CNTNAP5: variants seen among roughly 807,000 people sequenced by gnomAD.
CNTNAP5 encodes contactin-associated protein-like 5.
In CNTNAP5, 72 loss-of-function variants were observed where a neutral mutation model predicts 150.2. That is an observed-to-expected ratio of 0.48 (90% CI 0.40 to 0.58). The LOEUF (loss-of-function observed/expected upper bound fraction) is 0.58, where lower values mean the gene tolerates loss of function less well. CNTNAP5 is among the 20% of genes least tolerant of loss of function. CNTNAP5 has a pLI of 0.00. For synonymous variants in CNTNAP5, 672 were observed against 619.8 expected (o/e 1.08, Z -1.25); for missense variants, 1,636 against 1,626.2 (o/e 1.01, Z -0.10).
At chr2:124,309,272 T>G (rs1427970641) in intron 3 of CNTNAP5, among the ~76,000 whole-genome samples, 1 of 152,102 alleles carries the variant, frequency 6.6e-6, no homozygotes, top group Non-Finnish European at 1.5e-5. Context: ...AAAGGAAAAC[T>G]GGATGGGAGG....
At chr2:124,091,199 A>G (rs553604369) in intron 1 of CNTNAP5, among the ~76,000 whole-genome samples, 1 of 152,204 alleles carries the variant, frequency 6.6e-6, no homozygotes, top group African/African-American at 2.4e-5. Context: ...GTGAGCAGGG[A>G]GTGTACATCG....
chr2:124,085,421 CTCTT>C (rs1036448369), intron 1 of CNTNAP5, among the ~76,000 whole-genome samples: 2 of 152,028 alleles, frequency 1.3e-5, no homozygotes, highest in Non-Finnish European at 2.9e-5. Context: ...TGGTTTTTCT[CTCTT>C]TCCTTTGTCA....
At chr2:124,857,419 A>T (rs1028257998) in intron 19 of CNTNAP5, among the ~76,000 whole-genome samples, 2 of 152,128 alleles carry the variant, frequency 1.3e-5, no homozygotes, top group African/African-American at 4.8e-5. Flanking sequence ...ACAGCCTCAG[A>T]TGCAGGTGAG....
intron 11 of CNTNAP5, among the ~76,000 whole-genome samples, chr2:124,577,756 T>C (rs1400783424): frequency 6.6e-6 from 1 of 152,096 alleles, no homozygotes; most frequent in Non-Finnish European, 1.5e-5. Context: ...TGCTGGATAA[T>C]GCTGGACTTG....
intron 19 of CNTNAP5, among the ~76,000 whole-genome samples, chr2:124,839,051 G>A (rs114916276): frequency 2.0e-5 from 3 of 152,074 alleles, no homozygotes; most frequent in Non-Finnish European, 2.9e-5. Context: ...AGGGTACTAC[G>A]GAAGCTCATA....
chr2:124,063,765 AT>A (rs1682076403), intron 1 of CNTNAP5, among the ~76,000 whole-genome samples: 1 of 152,254 alleles, frequency 6.6e-6, no homozygotes, highest in Middle Eastern at 3.4e-3. Context: ...ATGGAGTAAG[AT>A]TCACAAGACA....
At chr2:124,657,728 A>G (rs570550420) in intron 13 of CNTNAP5, among the ~76,000 whole-genome samples, 23 of 152,286 alleles carry the variant, frequency 1.5e-4, no homozygotes, top group Non-Finnish European at 2.8e-4. Flanking sequence ...CCATTAATAC[A>G]GTGAACTTGG....
intron 1 of CNTNAP5, among the ~76,000 whole-genome samples, chr2:124,121,231 A>T (rs1480015647): frequency 6.6e-6 from 1 of 152,070 alleles, no homozygotes; most frequent in East Asian, 1.9e-4. Flanking sequence ...GAAATAAGTG[A>T]ACACCCTTAC....
At chr2:124,137,016 CCT>C (rs1414491321) in intron 1 of CNTNAP5, among the ~76,000 whole-genome samples, 1 of 151,540 alleles carries the variant, frequency 6.6e-6, no homozygotes, top group Non-Finnish European at 1.5e-5. Flanking sequence ...AAATTCCTCC[CCT>C]GAGTTCTCCT....
chr2:124,034,791 A>C (rs1681164840), intron 1 of CNTNAP5, among the ~76,000 whole-genome samples: 1 of 152,156 alleles, frequency 6.6e-6, no homozygotes, highest in African/African-American at 2.4e-5. Context: ...TCAGCTCCCT[A>C]AGACCACCAT....
chr2:124,349,868 CTA>C (rs1477318839), intron 3 of CNTNAP5, among the ~76,000 whole-genome samples: 3 of 69,560 alleles, frequency 4.3e-5, no homozygotes, highest in East Asian at 8.8e-4. Flanking sequence ...TGACTTCTGG[CTA>C]TTTCTTTTTT....
At chr2:124,295,602 T>C (rs763925161) in intron 3 of CNTNAP5, among the ~76,000 whole-genome samples, 6 of 152,260 alleles carry the variant, frequency 3.9e-5, no homozygotes, top group Non-Finnish European at 8.8e-5. Context: ...GAGTTTTCAT[T>C]AATTGACTTA....
chr2:124,149,193 TA>T (rs1684339605), intron 1 of CNTNAP5, among the ~76,000 whole-genome samples: 1 of 152,080 alleles, frequency 6.6e-6, no homozygotes, highest in Non-Finnish European at 1.5e-5. Flanking sequence ...AGTCTGTTCA[TA>T]GCCCTCACTC....
chr2:124,458,722 A>G (rs1053568123), intron 6 of CNTNAP5, among the ~76,000 whole-genome samples: 1 of 152,224 alleles, frequency 6.6e-6, no homozygotes, highest in African/African-American at 2.4e-5. Context: ...TTTATTAATA[A>G]GTTAAAAGTG....
chr2:124,167,541 A>C (rs1430416291), intron 1 of CNTNAP5, among the ~76,000 whole-genome samples: 1 of 152,194 alleles, frequency 6.6e-6, no homozygotes, highest in Non-Finnish European at 1.5e-5. Context: ...GCAAGGTAGC[A>C]GGTTTAATGG....
chr2:124,667,946 G>C (rs1203376607), intron 13 of CNTNAP5, among the ~76,000 whole-genome samples: 1 of 152,240 alleles, frequency 6.6e-6, no homozygotes, highest in Non-Finnish European at 1.5e-5. Context: ...AGAGGATGAG[G>C]AATTGTCAAG....
chr2:124,278,334 C>G (rs188450030), intron 3 of CNTNAP5, among the ~76,000 whole-genome samples: 3 of 151,966 alleles, frequency 2.0e-5, no homozygotes, highest in African/African-American at 7.2e-5. Flanking sequence ...AGTGATAATT[C>G]GATTAAAAAG....
In CNTNAP5 at chr2:124,242,409, C is replaced by T. The variant is rs1177206520; in HGVS notation, c.381+16C>T. ...CAGCATCTGGGTAGGACATCTTTTT[C>T]CTTCCAATGAATAAAACTGAGATGT... is the stretch of plus-strand genomic sequence containing the variant. On this transcript the variant is annotated intron_variant, in intron 3 of 23. Transcript: ENST00000682447. The T allele has an allele frequency of 6.2e-7, 1 of 1,606,310 alleles. No individual in the cohort carries two copies. Among genetic ancestry groups the T allele is most frequent in the Admixed American group, 1.7e-5 (1 of 59,134 alleles).
chr2:124,424,531 T>A (rs1390874358), intron 4 of CNTNAP5, among the ~76,000 whole-genome samples: 1 of 152,208 alleles, frequency 6.6e-6, no homozygotes, highest in Non-Finnish European at 1.5e-5. Context: ...TTTCCTACCC[T>A]TCTTTCTCAT....
Sources: gnomAD v4.1 joint callset for allele counts (sites outside exome capture counted in the v4.1 genomes callset) on GRCh38, gnomAD v4.1.1 for gene constraint, MANE v1.5 for transcripts, NCBI Gene and HGNC (gene_info 2026-07-23, HGNC 2026-07-21) for gene names.